Variants in FAM184B observed in about 807,000 individuals in gnomAD.
FAM184B encodes the protein protein FAM184B.
In FAM184B, 111 loss-of-function variants were observed where a neutral mutation model predicts 135.9. That is an observed-to-expected ratio of 0.82 (90% CI 0.70 to 0.96). The LOEUF is 0.96. FAM184B is among the 40% of genes least tolerant of loss of function. The probability of loss-of-function intolerance (pLI) is 0.00; values close to 1 mark genes in which losing one functional copy is unlikely to be tolerated. For synonymous variants in FAM184B, 552 were observed against 524.8 expected, an observed-to-expected ratio of 1.05 and a Z score of -0.71; for missense variants, 1,375 against 1,323.9, an observed-to-expected ratio of 1.04 and a Z score of -0.60.
intron 1 of FAM184B, among the ~76,000 whole-genome samples, chr4:17,751,215 G>A (rs753631556): frequency 5.3e-5 from 8 of 150,960 alleles, no homozygotes; most frequent in South Asian, 2.1e-4. Context: ...GGCTGAGGCC[G>A]GAGAATCACT....
chr4:17,688,570 G>T, intron 6 of FAM184B, 39 bp from the exon 7 acceptor site: 1 of 1,436,634 alleles, frequency 7.0e-7, no homozygotes. Flanking sequence ...AATGAAACCA[G>T]GTTCTACCTC....
intron 1 of FAM184B, among the ~76,000 whole-genome samples, chr4:17,775,724 C>T (rs983023497): frequency 6.6e-6 from 1 of 152,152 alleles, no homozygotes. Context: ...AGGCTATTAT[C>T]TTAAGTTAAA....
intron 1 of FAM184B, among the ~76,000 whole-genome samples, chr4:17,760,204 G>A (rs535291589): frequency 1.8e-4 from 27 of 152,220 alleles, no homozygotes; most frequent in African/African-American, 6.3e-4. Flanking sequence ...GGTGGCTCAC[G>A]CCTGTAATCT....
chr4:17,700,965 A>T (rs1180086054), intron 5 of FAM184B, among the ~76,000 whole-genome samples: 1 of 152,242 alleles, frequency 6.6e-6, no homozygotes, highest in Non-Finnish European at 1.5e-5. Flanking sequence ...AAAGAAAAAA[A>T]TTTGAGAAAA....
intron 1 of FAM184B, among the ~76,000 whole-genome samples, chr4:17,747,392 T>C (rs1718189778): frequency 6.6e-6 from 1 of 152,152 alleles, no homozygotes; most frequent in African/African-American, 2.4e-5. Context: ...TTAGCTCCGT[T>C]TCTGGCACGG....
chr4:17,676,955 C>T (rs1413704006), intron 7 of FAM184B, among the ~76,000 whole-genome samples: 2 of 152,172 alleles, frequency 1.3e-5, no homozygotes, highest in Admixed American at 1.3e-4. Flanking sequence ...CACCTAACAA[C>T]CCATTTCTCA....
At chr4:17,635,199 A>C in intron 15 of FAM184B, 86 bp from the exon 16 acceptor site, 2 of 1,054,582 alleles carry the variant, frequency 1.9e-6, no homozygotes, top group East Asian at 2.7e-5. Context: ...TGAGGGCAGA[A>C]TAGAGAAGGA....
intron 6 of FAM184B, among the ~76,000 whole-genome samples, chr4:17,691,993 C>T (rs1430886139): frequency 6.6e-6 from 1 of 151,010 alleles, no homozygotes; most frequent in Non-Finnish European, 1.5e-5. Flanking sequence ...GCGGAGGTTG[C>T]AGTGAGCTGA....
rs566614857 is a variant in FAM184B at position 17,709,486 on chromosome 4, G to C, written c.300C>G (p.Arg100=). The change falls in exon 2 of 18, where the codon CGC becomes CGG. Residue 100 remains arginine, a synonymous_variant. Coordinates refer to ENST00000265018, the MANE Select transcript of FAM184B (RefSeq NM_015688.2). ...CCAGGGCGCTCTCCAGGGCCTGGAT[G>C]CGCTGTAGAAGGGCTTCCTCCTCTG... ...GCAEEEALLQ[R]IQALESALEL... is the part of the protein sequence containing the mutation. The C allele has an allele frequency of 1.2e-5, 18 of 1,548,016 alleles. No individual in the cohort carries two copies. The South Asian group carries it at 1.9e-4, about 16-fold the overall frequency.
At chr4:17,657,090 C>G (rs1438746117) in intron 10 of FAM184B, among the ~76,000 whole-genome samples, 1 of 152,152 alleles carries the variant, frequency 6.6e-6, no homozygotes, top group Non-Finnish European at 1.5e-5. Context: ...CACTATTGAG[C>G]TAAATGAATT....
At chr4:17,653,050 G>T in intron 10 of FAM184B, 67 bp from the exon 11 acceptor site, 1 of 1,457,688 alleles carries the variant, frequency 6.9e-7, no homozygotes, top group Non-Finnish European at 9.4e-7. Context: ...TGACTCCTTT[G>T]CCAAGCTCTT....
chr4:17,781,417 C>A lies in FAM184B; in HGVS notation c.-118G>T. On this transcript the variant is annotated 5_prime_UTR_variant, in exon 1 of 18. Transcript: ENST00000265018. This position sits in a 1 kb window ranked among gnomAD's most constrained non-coding sequence, Gnocchi z 6.5. ...TTCTCGGGAGAGGTGGCACTGCAGT[C>A]CCGTCGCCTGCACCGCCGCGTGGCC... The A allele has an allele frequency of 1.6e-6, 2 of 1,257,204 alleles. No individual in the cohort carries two copies. Among genetic ancestry groups the A allele is most frequent in the South Asian group, 1.8e-5 (1 of 55,000 alleles). 77.9% of individuals were successfully genotyped at this position (1,257,204 alleles called of 1,614,324 possible).
At chr4:17,779,051 T>C (rs1456441033) in intron 1 of FAM184B, among the ~76,000 whole-genome samples, 1 of 152,174 alleles carries the variant, frequency 6.6e-6, no homozygotes, top group Non-Finnish European at 1.5e-5. Flanking sequence ...CTGAGAAGAA[T>C]AGAAATAAAA....
chr4:17,677,579 A>G (rs997041700), intron 7 of FAM184B, among the ~76,000 whole-genome samples: 1 of 152,214 alleles, frequency 6.6e-6, no homozygotes, highest in African/African-American at 2.4e-5. Flanking sequence ...TCACAGCTGA[A>G]TTCTATCAGA....
At chr4:17,690,224 G>C (rs1249435076) in intron 6 of FAM184B, among the ~76,000 whole-genome samples, 2 of 152,178 alleles carry the variant, frequency 1.3e-5, no homozygotes, top group Admixed American at 1.3e-4. Flanking sequence ...ACTGAAGGAT[G>C]AACAGGAGTC....
intron 10 of FAM184B, among the ~76,000 whole-genome samples, chr4:17,653,925 G>GGAGAGAGAGAGGGAGGGAGAGGGA (rs140514998): frequency 1.5e-5 from 2 of 131,362 alleles, no homozygotes; most frequent in Non-Finnish European, 1.7e-5. Flanking sequence ...AGAGAGGGAG[G>GGAGAGAGAGAGGGAGGGAGAGGGA]GGGAGGGGGA....
chr4:17,768,846 C>T (rs1472460648), intron 1 of FAM184B, among the ~76,000 whole-genome samples: 3 of 151,390 alleles, frequency 2.0e-5, no homozygotes, highest in Non-Finnish European at 2.9e-5. Context: ...CTCTTGTTGC[C>T]CAGGCTAGAG....
chr4:17,730,206 GT>G (rs1408377185), intron 1 of FAM184B, among the ~76,000 whole-genome samples: 1 of 152,130 alleles, frequency 6.6e-6, no homozygotes, highest in African/African-American at 2.4e-5. Flanking sequence ...GAGAAGGGAA[GT>G]TTAGAGAAAA....
Position 17,781,405 on chromosome 4 carries a change from T to C in FAM184B, c.-106A>G, listed in dbSNP as rs374300003. On this transcript the variant is annotated 5_prime_UTR_variant, in exon 1 of 18. Transcript: ENST00000265018. The surrounding 1 kb of genome is among the most constrained non-coding windows in gnomAD (Gnocchi z 6.5). ...GAGCGTGTGGGTTTCTCGGGAGAGG[T>C]GGCACTGCAGTCCCGTCGCCTGCAC... The C allele has an allele frequency of 2.2e-6, 3 of 1,345,990 alleles. No individual in the cohort carries two copies. The highest frequency in any genetic ancestry group is 2.9e-6 in the Non-Finnish European group (3 of 1,031,836). The allele number at this position is 1,345,990 out of a possible 1,614,324, so 83.4% of individuals were successfully genotyped here. A position where few individuals can be genotyped will look rare whatever the true frequency, so the allele number is the denominator to read the frequency against.
Sources: gnomAD v4.1 joint callset for allele counts (sites outside exome capture counted in the v4.1 genomes callset) on GRCh38, gnomAD v4.1.1 for gene constraint, Gnocchi (gnomAD v3.1) non-coding constraint, MANE v1.5 for transcripts, NCBI Gene and HGNC (gene_info 2026-07-23, HGNC 2026-07-21) for gene names.